INTS4: variants seen among roughly 807,000 people sequenced by gnomAD.
The protein encoded by INTS4 is integrator complex subunit 4, also known as MSTP093.
Under a neutral mutation model 119.5 loss-of-function variants are expected in INTS4, and 70 were observed. That is an observed-to-expected ratio of 0.59 (90% CI 0.48 to 0.71). The LOEUF (loss-of-function observed/expected upper bound fraction) is 0.71. INTS4 is among the 30% of genes least tolerant of loss of function. INTS4 has a pLI of 0.00. For synonymous variants in INTS4, 316 were observed against 419.6 expected (o/e 0.75, Z 3.02); for missense variants, 867 against 1,173.2 (o/e 0.74, Z 3.81).
downstream of INTS4, among the ~76,000 whole-genome samples, chr11:77,875,041 CAA>C (rs397791397): frequency 9.1e-5 from 11 of 120,898 alleles, no homozygotes; most frequent in Non-Finnish European, 9.1e-5. Flanking sequence ...GACTCCATCT[CAA>C]AAAAAAAAAA....
chr11:77,901,374 T>C lies in INTS4; in HGVS notation c.2228+47A>G, dbSNP rs1204184297. 7 of 1,600,188 alleles carry C rather than the reference T, an allele frequency of 4.4e-6. No individual in the cohort carries two copies. In the South Asian group the frequency reaches 7.7e-5, roughly 18 times the overall value. The stretch of plus-strand genomic sequence containing the variant: ...GTGATGTCTGAATGCATTTGAAGTA[T>C]CTTTGAAAGGAACATGCCACATATT... On this transcript the variant is annotated intron_variant, in intron 18 of 22. Transcript: ENST00000534064.
intron 11 of INTS4, among the ~76,000 whole-genome samples, chr11:77,925,637 T>G (rs1184478702): frequency 6.6e-6 from 1 of 152,204 alleles, no homozygotes; most frequent in Non-Finnish European, 1.5e-5. Context: ...GTCACTCCTA[T>G]CCATAAAATT....
chr11:77,973,113 A>G (rs1855798110), intron 4 of INTS4, among the ~76,000 whole-genome samples: 1 of 152,136 alleles, frequency 6.6e-6, no homozygotes, highest in African/African-American at 2.4e-5. Flanking sequence ...TAGTGCTGGG[A>G]TTACAGGCAA....
intron 4 of INTS4, among the ~76,000 whole-genome samples, chr11:77,964,392 C>A (rs1029296498): frequency 1.3e-5 from 2 of 151,452 alleles, no homozygotes; most frequent in East Asian, 3.9e-4. Context: ...ATGGTGAAAC[C>A]CCATCTCTAC....
At chr11:77,881,617 T>G (rs1951794938) in intron 22 of INTS4, among the ~76,000 whole-genome samples, 1 of 152,210 alleles carries the variant, frequency 6.6e-6, no homozygotes, top group Middle Eastern at 3.2e-3. Flanking sequence ...TTAAATGAAT[T>G]TTTATTGCAC....
At chr11:77,948,249 A>C (rs953446904) in intron 8 of INTS4, among the ~76,000 whole-genome samples, 2 of 152,254 alleles carry the variant, frequency 1.3e-5, no homozygotes, top group African/African-American at 4.8e-5. Context: ...AAACCACTAA[A>C]TCAGAGGTAA....
chr11:77,924,607 C>T (rs1159322076), intron 12 of INTS4, 143 bp downstream of exon 12: 13 of 632,990 alleles, frequency 2.1e-5, no homozygotes, highest in Admixed American at 9.0e-5. Context: ...CCTGAGAGTT[C>T]GGTTAAGTTG....
intron 2 of INTS4, chr11:77,987,047 T>C (rs1233091983): frequency 6.6e-6 from 1 of 152,044 alleles, no homozygotes; most frequent in Non-Finnish European, 1.5e-5. Context: ...TAAAATAATA[T>C]GATGCCAGGA....
intron 4 of INTS4, among the ~76,000 whole-genome samples, chr11:77,961,395 G>A (rs1954472925): frequency 6.6e-6 from 1 of 152,022 alleles, no homozygotes; most frequent in African/African-American, 2.4e-5. Flanking sequence ...GGAATACAAA[G>A]GCACTTTGCC....
rs190430894 is a variant in INTS4, at chr11:77,949,179, A to G, written c.918+6763T>C. Among the ~76,000 whole-genome samples, 108 of 152,352 alleles carry G rather than the reference A, an allele frequency of 7.1e-4. No individual in the cohort carries two copies. The Middle Eastern group carries it at 0.01, about 14-fold the overall frequency. On this transcript the variant is annotated intron_variant, in intron 8 of 22. Coordinates refer to ENST00000534064, the MANE Select transcript of INTS4 (RefSeq NM_033547.4). ...TGCCACATCGATAAACCTGGAGGAC[A>G]TCATGTAAAGTGAAATAAGCCAGAC...
At chr11:77,941,116 C>A in intron 9 of INTS4, 64 bp downstream of exon 9, 1 of 1,583,972 alleles carries the variant, frequency 6.3e-7, no homozygotes, top group South Asian at 1.2e-5. Context: ...CAACACAACT[C>A]AGCATACTGC....
chr11:77,954,276 A>G (rs1298368022), intron 8 of INTS4, among the ~76,000 whole-genome samples: 1 of 152,132 alleles, frequency 6.6e-6, no homozygotes, highest in Non-Finnish European at 1.5e-5. Context: ...AAATGATAAC[A>G]GCATTTTAAA....
At chr11:77,936,756 G>A (rs2136515910) in intron 10 of INTS4, among the ~76,000 whole-genome samples, 1 of 151,994 alleles carries the variant, frequency 6.6e-6, no homozygotes, top group Non-Finnish European at 1.5e-5. Context: ...AATAAAAACT[G>A]GAGAAAGAAA....
chr11:77,880,919 G>A (rs1193383003), intron 22 of INTS4, among the ~76,000 whole-genome samples: 1 of 152,080 alleles, frequency 6.6e-6, no homozygotes, highest in African/African-American at 2.4e-5. Context: ...AGGAAACCCT[G>A]TCTCAAAACA....
Position 77,961,048 on chromosome 11 carries a change from C to A in INTS4, c.562G>T (p.Ala188Ser). ...GSLEKSVTKDAEGLAARDVQK... is the reference protein window; with the variant it reads ...GSLEKSVTKDSEGLAARDVQK... The stretch of plus-strand genomic sequence containing the variant: ...ACATCTCTGGCAGCTAGGCCTTCTG[C>A]ATCTTTTGTGACACTTTTCTCCAAA... The change falls in exon 5 of 23, where the codon GCA (alanine) becomes TCA (serine). Residue 188 changes from alanine (A) to serine (S), a missense_variant. Around this residue, in one of 5 missense-constraint regions of INTS4, gnomAD observed 224 missense variants for 231.8 expected, o/e 0.97. Transcript: ENST00000534064. The A allele has an allele frequency of 6.2e-7, 1 of 1,611,472 alleles. No individual in the cohort carries two copies. The highest frequency in any genetic ancestry group is 1.1e-5 in the South Asian group (1 of 91,004).
In INTS4 at chr11:77,878,837, T is replaced by C. The variant is rs1951681996; in HGVS notation, c.*112A>G. 1 of 815,780 alleles carries C rather than the reference T, an allele frequency of 1.2e-6. No individual in the cohort carries two copies. The highest frequency in any genetic ancestry group is 1.7e-5 in the African/African-American group (1 of 59,106). The allele number at this position is 815,780 out of a possible 1,614,324, so 50.5% of individuals were successfully genotyped here. A position where few individuals can be genotyped will look rare whatever the true frequency, so the allele number is the denominator to read the frequency against. On this transcript the variant is annotated 3_prime_UTR_variant, in exon 23 of 23. Coordinates refer to ENST00000534064, the MANE Select transcript of INTS4 (RefSeq NM_033547.4). ...TTGATACCAGATGAGACTGTAAGGG[T>C]CACATACTCCTTAAGCCTACACATC... is the stretch of plus-strand genomic sequence containing the variant.
chr11:77,947,930 A>G (rs1175158808), intron 8 of INTS4, among the ~76,000 whole-genome samples: 7 of 152,292 alleles, frequency 4.6e-5, no homozygotes, highest in Admixed American at 3.9e-4. Context: ...TGCAGCCTCA[A>G]TCTTCCAGGC....
intron 7 of INTS4, among the ~76,000 whole-genome samples, chr11:77,957,202 G>C (rs553185001): frequency 6.6e-6 from 1 of 152,238 alleles, no homozygotes; most frequent in East Asian, 1.9e-4. Context: ...CAAAGTGCTA[G>C]GATTACAGGG....
intron 10 of INTS4, among the ~76,000 whole-genome samples, chr11:77,933,618 G>A (rs1040539672): frequency 6.6e-6 from 1 of 152,154 alleles, no homozygotes; most frequent in Non-Finnish European, 1.5e-5. Context: ...CCAAAGTGCC[G>A]AGATTGCAGC....
Sources: gnomAD v4.1 joint callset for allele counts (sites outside exome capture counted in the v4.1 genomes callset) on GRCh38, gnomAD v4.1.1 for gene constraint, gnomAD v4.1.1 regional missense constraint, MANE v1.5 for transcripts, NCBI Gene and HGNC (gene_info 2026-07-23, HGNC 2026-07-21) for gene names.